Variants in ANO10 observed in about 807,000 individuals in gnomAD.
ANO10 encodes anoctamin-10.
A neutral mutation model predicts 74.7 loss-of-function variants in ANO10; 77 were observed. That is an observed-to-expected ratio of 1.03 (90% CI 0.86 to 1.25). The LOEUF (loss-of-function observed/expected upper bound fraction) is 1.25. ANO10 is among the 50% of genes most tolerant of loss of function. The pLI, the probability that ANO10 is intolerant of heterozygous loss-of-function variation, is 0.00. For missense variants in ANO10, 721 were observed against 778.1 expected, an observed-to-expected ratio of 0.93 and a Z score of 0.87; for synonymous variants, 279 against 284.9, an observed-to-expected ratio of 0.98 and a Z score of 0.21.
At chr3:43,402,517 GTGC>G (rs2092501037) in intron 12 of ANO10, among the ~76,000 whole-genome samples, 1 of 152,212 alleles carries the variant, frequency 6.6e-6, no homozygotes, top group African/African-American at 2.4e-5. Context: ...ACACGATGGA[GTGC>G]TGATTCCCAT....
intron 11 of ANO10, among the ~76,000 whole-genome samples, chr3:43,521,442 T>C (rs1169397385): frequency 6.6e-6 from 1 of 152,204 alleles, no homozygotes; most frequent in Admixed American, 6.6e-5. Context: ...AATCTCTTAC[T>C]TCTAGGAAAA....
At chr3:43,432,227 C>T (rs188543340) in intron 12 of ANO10, among the ~76,000 whole-genome samples, 24 of 151,464 alleles carry the variant, frequency 1.6e-4, no homozygotes, top group Admixed American at 5.3e-4. Context: ...CATTCTGTCT[C>T]GCTCTCTGAA....
chr3:43,648,736 G>A (rs2083753752), intron 1 of ANO10, among the ~76,000 whole-genome samples: 1 of 149,934 alleles, frequency 6.7e-6, no homozygotes. Context: ...GAGTGCAGTG[G>A]CGTGATCTTG....
At chr3:43,369,793 CA>C (rs1420590326) in intron 12 of ANO10, among the ~76,000 whole-genome samples, 1 of 152,172 alleles carries the variant, frequency 6.6e-6, no homozygotes, top group Non-Finnish European at 1.5e-5. Flanking sequence ...AGCTAAAGTC[CA>C]AAGAAAAACC....
chr3:43,599,218 G>A (rs2082225742), intron 3 of ANO10, among the ~76,000 whole-genome samples: 1 of 152,090 alleles, frequency 6.6e-6, no homozygotes, highest in African/African-American at 2.4e-5. Context: ...ATTCACTCAG[G>A]TATAAAAATC....
At chr3:43,616,439 C>T (rs2083110494) in intron 1 of ANO10, among the ~76,000 whole-genome samples, 2 of 152,200 alleles carry the variant, frequency 1.3e-5, no homozygotes, top group African/African-American at 4.8e-5. Context: ...ATAACACTAG[C>T]CTTGCTACAA....
intron 1 of ANO10, among the ~76,000 whole-genome samples, chr3:43,685,478 C>CT (rs2084263286): frequency 6.6e-6 from 1 of 151,952 alleles, no homozygotes; most frequent in Non-Finnish European, 1.5e-5. Flanking sequence ...TTTTTTTTGA[C>CT]ATTAGACTAC....
At chr3:43,475,092 T>C (rs1474256404) in intron 11 of ANO10, among the ~76,000 whole-genome samples, 1 of 152,228 alleles carries the variant, frequency 6.6e-6, no homozygotes, top group Non-Finnish European at 1.5e-5. Flanking sequence ...AGCAAACATC[T>C]ATATACATGC....
intron 7 of ANO10, among the ~76,000 whole-genome samples, chr3:43,566,114 T>C (rs962762869): frequency 6.6e-6 from 1 of 152,144 alleles, no homozygotes; most frequent in South Asian, 2.1e-4. Context: ...ACCAGAATAC[T>C]GCGCTTTTCC....
chr3:43,441,301 G>T (rs1361080708), intron 11 of ANO10, among the ~76,000 whole-genome samples: 2 of 150,986 alleles, frequency 1.3e-5, no homozygotes, highest in Non-Finnish European at 3.0e-5. Flanking sequence ...GACTAATGAA[G>T]AAAAGACTCA....
chr3:43,633,019 T>A (rs1051509182), intron 1 of ANO10, among the ~76,000 whole-genome samples: 1 of 152,182 alleles, frequency 6.6e-6, no homozygotes, highest in Admixed American at 6.5e-5. Context: ...TTAAAATGCC[T>A]CAACATATCA....
intron 12 of ANO10, among the ~76,000 whole-genome samples, chr3:43,378,765 T>C (rs997225609): frequency 6.6e-6 from 1 of 152,156 alleles, no homozygotes; most frequent in African/African-American, 2.4e-5. Context: ...GCACCCCTTC[T>C]ATAGAGCCTG....
chr3:43,397,835 T>C (rs1019486957), intron 12 of ANO10, among the ~76,000 whole-genome samples: 2 of 152,100 alleles, frequency 1.3e-5, no homozygotes, highest in South Asian at 2.1e-4. Context: ...AGAACTCAAA[T>C]AGTCTCTCTT....
chr3:43,413,861 C>G (rs1183896419), intron 12 of ANO10, among the ~76,000 whole-genome samples: 2 of 151,642 alleles, frequency 1.3e-5, no homozygotes, highest in Non-Finnish European at 2.9e-5. Context: ...GTCTCACAGG[C>G]CCCACCACAG....
intron 11 of ANO10, among the ~76,000 whole-genome samples, chr3:43,526,651 C>T (rs768885095): frequency 6.6e-6 from 1 of 152,106 alleles, no homozygotes; most frequent in Non-Finnish European, 1.5e-5. Context: ...TCTGGTAAAA[C>T]GTCCTATGTC....
chr3:43,539,694 A>G (rs1369349945), intron 11 of ANO10, among the ~76,000 whole-genome samples: 1 of 152,228 alleles, frequency 6.6e-6, no homozygotes, highest in Non-Finnish European at 1.5e-5. Context: ...AAGTATTTAC[A>G]TTTGAATATG....
At chr3:43,518,690 T>A (rs1043830949) in intron 11 of ANO10, among the ~76,000 whole-genome samples, 1 of 152,170 alleles carries the variant, frequency 6.6e-6, no homozygotes. Flanking sequence ...AATGTCTGTC[T>A]TATATGTCGA....
chr3:43,407,236 AC>A (rs1222502902), intron 12 of ANO10, among the ~76,000 whole-genome samples: 1 of 152,090 alleles, frequency 6.6e-6, no homozygotes, highest in East Asian at 1.9e-4. Context: ...CACCTGGTCC[AC>A]CTTGTCCATT....
At chr3:43,621,052 A>T (rs1488677567) in intron 1 of ANO10, among the ~76,000 whole-genome samples, 2 of 152,220 alleles carry the variant, frequency 1.3e-5, no homozygotes, top group Non-Finnish European at 2.9e-5. Context: ...ACCGCTTTAA[A>T]CCCCACAGGA....
Sources: allele counts gnomAD v4.1 joint callset (sites outside exome capture counted in the v4.1 genomes callset), GRCh38; gene constraint gnomAD v4.1.1; transcripts MANE v1.5; gene names NCBI Gene and HGNC (gene_info 2026-07-23, HGNC 2026-07-21).